EIF3H: variants seen among roughly 807,000 people sequenced by gnomAD.
EIF3H encodes eukaryotic translation initiation factor 3 subunit H, also known as eIF-3-gamma.
Under a neutral mutation model 44.2 loss-of-function variants are expected in EIF3H, and 26 were observed. That is an observed-to-expected ratio of 0.59 (90% CI 0.43 to 0.82). The LOEUF is 0.82. EIF3H is among the 40% of genes least tolerant of loss of function. The probability of loss-of-function intolerance (pLI) is 0.00; values close to 1 mark genes in which losing one functional copy is unlikely to be tolerated. For synonymous variants in EIF3H, 166 were observed against 151.9 expected, an observed-to-expected ratio of 1.09 and a Z score of -0.68; for missense variants, 359 against 432.8, an observed-to-expected ratio of 0.83 and a Z score of 1.51.
intron 2 of EIF3H, among the ~76,000 whole-genome samples, chr8:116,716,895 A>G (rs763816831): frequency 6.6e-6 from 1 of 152,082 alleles, no homozygotes; most frequent in Non-Finnish European, 1.5e-5. Flanking sequence ...CAAACAAACA[A>G]AACACCTGAA....
chr8:116,754,004 A>C (rs1032877071), intron 1 of EIF3H, among the ~76,000 whole-genome samples: 5 of 152,196 alleles, frequency 3.3e-5, no homozygotes, highest in Admixed American at 6.5e-5. Flanking sequence ...CCACCCACTA[A>C]CTTTAGAGAT....
At chr8:116,682,299 A>G (rs1301305879) in intron 2 of EIF3H, among the ~76,000 whole-genome samples, 1 of 152,252 alleles carries the variant, frequency 6.6e-6, no homozygotes, top group East Asian at 1.9e-4. Flanking sequence ...GCATAATTTA[A>G]GTCAATAAAG....
intron 1 of EIF3H, chr8:116,737,372 A>G (rs1815059734): frequency 2.4e-6 from 1 of 416,712 alleles, no homozygotes; most frequent in South Asian, 1.8e-5. Flanking sequence ...AAAAATTAAT[A>G]GGGCTGGGCG....
chr8:116,688,101 GAAACATACCT>G (rs1253016082), intron 2 of EIF3H, among the ~76,000 whole-genome samples: 1 of 152,058 alleles, frequency 6.6e-6, no homozygotes, highest in Non-Finnish European at 1.5e-5. Flanking sequence ...GAAAATTGTA[GAAACATACCT>G]GAATTCTAAG....
chr8:116,725,950 G>A, intron 2 of EIF3H, 66 bp downstream of exon 2: 1 of 1,523,378 alleles, frequency 6.6e-7, no homozygotes, highest in Non-Finnish European at 8.9e-7. Context: ...CAAAAGTTAT[G>A]GTGAGACCTG....
intron 2 of EIF3H, among the ~76,000 whole-genome samples, chr8:116,683,008 TAAC>T (rs1814015725): frequency 6.6e-6 from 1 of 152,142 alleles, no homozygotes; most frequent in South Asian, 2.1e-4. Context: ...TACTAAACAA[TAAC>T]ATTTTACAGA....
chr8:116,675,396 A>AT (rs942113866), intron 2 of EIF3H, among the ~76,000 whole-genome samples: 2 of 152,142 alleles, frequency 1.3e-5, no homozygotes, highest in African/African-American at 4.8e-5. Context: ...GGGTAGGCTA[A>AT]TTTTTTGTTG....
chr8:116,645,583 G>A (rs573609241), intron 7 of EIF3H, among the ~76,000 whole-genome samples: 3 of 152,322 alleles, frequency 2.0e-5, no homozygotes, highest in East Asian at 3.9e-4. Flanking sequence ...AGAGTAAAGA[G>A]TTCACTTGAA....
chr8:116,757,825 G>T (rs576134666), upstream of EIF3H, among the ~76,000 whole-genome samples: 1 of 151,714 alleles, frequency 6.6e-6, no homozygotes, highest in South Asian at 2.1e-4. Flanking sequence ...AGGTTCAAGC[G>T]ATTCTCTCGC....
intron 5 of EIF3H, among the ~76,000 whole-genome samples, chr8:116,655,290 G>A (rs1813470515): frequency 6.6e-6 from 1 of 150,850 alleles, no homozygotes. Flanking sequence ...CAACTAGATA[G>A]CTAAGGCAGT....
At chr8:116,699,594 A>T (rs761737558) in intron 2 of EIF3H, among the ~76,000 whole-genome samples, 1 of 152,222 alleles carries the variant, frequency 6.6e-6, no homozygotes, top group Non-Finnish European at 1.5e-5. Context: ...ACCATTGGGT[A>T]CTATGCCAGC....
intron 1 of EIF3H, among the ~76,000 whole-genome samples, chr8:116,750,861 T>C (rs1289024513): frequency 6.6e-6 from 1 of 152,148 alleles, no homozygotes; most frequent in Non-Finnish European, 1.5e-5. Context: ...GGAAAGTCAC[T>C]GAAAACATCT....
chr8:116,711,451 T>G (rs1814570872), intron 2 of EIF3H, among the ~76,000 whole-genome samples: 1 of 152,186 alleles, frequency 6.6e-6, no homozygotes. Context: ...GAAGAGAAAT[T>G]AAAATATTAA....
At chr8:116,689,989 C>T (rs747649427) in intron 2 of EIF3H, among the ~76,000 whole-genome samples, 2 of 152,100 alleles carry the variant, frequency 1.3e-5, no homozygotes, top group East Asian at 1.9e-4. Context: ...ATAACATATT[C>T]GTATCTATAA....
intron 1 of EIF3H, among the ~76,000 whole-genome samples, chr8:116,753,121 C>G (rs1196120722): frequency 6.6e-6 from 1 of 151,978 alleles, no homozygotes; most frequent in Non-Finnish European, 1.5e-5. Context: ...AAATGAGCAA[C>G]CAAGATAAAA....
At chr8:116,676,928 C>T (rs1023148471) in intron 2 of EIF3H, among the ~76,000 whole-genome samples, 2 of 150,086 alleles carry the variant, frequency 1.3e-5, no homozygotes, top group Admixed American at 6.6e-5. Flanking sequence ...CCAGTGGGTG[C>T]TTTACTAAGT....
intron 1 of EIF3H, among the ~76,000 whole-genome samples, chr8:116,745,765 T>C (rs1410536885): frequency 6.6e-6 from 1 of 152,044 alleles, no homozygotes; most frequent in Non-Finnish European, 1.5e-5. Flanking sequence ...ACCCCGTCTC[T>C]ACTAAAAATA....
intron 1 of EIF3H, among the ~76,000 whole-genome samples, chr8:116,765,311 A>C (rs528054400): frequency 1.3e-5 from 2 of 152,342 alleles, no homozygotes; most frequent in East Asian, 1.9e-4. Context: ...GACTCAGATC[A>C]GGGCTAACAT....
intron 2 of EIF3H, chr8:116,689,042 G>C: frequency 2.3e-6 from 1 of 429,744 alleles, no homozygotes; most frequent in Non-Finnish European, 4.7e-6. Flanking sequence ...CAAATGTTCA[G>C]ATGAATAACA....
Sources: allele counts gnomAD v4.1 joint callset (sites outside exome capture counted in the v4.1 genomes callset), GRCh38; gene constraint gnomAD v4.1.1; transcripts MANE v1.5; gene names NCBI Gene and HGNC (gene_info 2026-07-23, HGNC 2026-07-21).